Variants in NR3C2 observed in about 807,000 individuals in gnomAD.
The protein encoded by NR3C2 is mineralocorticoid receptor.
Under a neutral mutation model 86.4 loss-of-function variants are expected in NR3C2, and 15 were observed. That is an observed-to-expected ratio of 0.17 (90% CI 0.12 to 0.27). The LOEUF (loss-of-function observed/expected upper bound fraction) is 0.27, where lower values mean the gene tolerates loss of function less well. Ranked by LOEUF, NR3C2 falls within the 10% of genes least tolerant of loss-of-function variation. The probability of loss-of-function intolerance (pLI) is 1.00; values close to 1 mark genes in which losing one functional copy is unlikely to be tolerated. For missense variants in NR3C2, 960 were observed against 1,195.6 expected, an observed-to-expected ratio of 0.80 and a Z score of 2.91; for synonymous variants, 458 against 450.5, an observed-to-expected ratio of 1.02 and a Z score of -0.21.
chr4:148,194,907 G>A, intron 3 of NR3C2, 45 bp from the exon 4 acceptor site: 1 of 1,299,546 alleles, frequency 7.7e-7, no homozygotes, highest in Non-Finnish European at 1.1e-6. Context: ...GAGTACACTA[G>A]TACAAAACAT....
In NR3C2 at chr4:148,081,010, G is replaced by C. The variant is rs1305624098; in HGVS notation, c.*334C>G. 5.3e-6 allele frequency: 2 copies of C among 374,054 alleles called. No homozygotes were observed. Among genetic ancestry groups the C allele is most frequent in the Admixed American group, 7.5e-5 (2 of 26,606 alleles). 23.2% of individuals were successfully genotyped at this position (374,054 alleles called of 1,614,324 possible). On this transcript the variant is annotated 3_prime_UTR_variant, in exon 9 of 9. Coordinates refer to ENST00000358102, the MANE Select transcript of NR3C2 (RefSeq NM_000901.5). The stretch of plus-strand genomic sequence containing the variant: ...CTTTTAAAACAAGCGAACGATACCA[G>C]AAACTACACGGCATAGTTAAAACTT...
intron 4 of NR3C2, among the ~76,000 whole-genome samples, chr4:148,161,752 C>T (rs943783351): frequency 2.0e-5 from 3 of 151,992 alleles, no homozygotes; most frequent in African/African-American, 7.3e-5. Context: ...ATAAGAAGTA[C>T]CCAGTTTGTG....
intron 4 of NR3C2, among the ~76,000 whole-genome samples, chr4:148,192,511 G>A (rs990547904): frequency 6.6e-6 from 1 of 152,184 alleles, no homozygotes; most frequent in East Asian, 1.9e-4. Flanking sequence ...AGTGTGCTGA[G>A]GGAACTGTGA....
intron 3 of NR3C2, among the ~76,000 whole-genome samples, chr4:148,252,393 T>C (rs1360726250): frequency 6.6e-6 from 1 of 152,146 alleles, no homozygotes; most frequent in Non-Finnish European, 1.5e-5. Context: ...AGATAAAATA[T>C]GAAGTACTTG....
chr4:148,369,871 C>A (rs2126374484), intron 2 of NR3C2, among the ~76,000 whole-genome samples: 1 of 152,304 alleles, frequency 6.6e-6, no homozygotes, highest in Middle Eastern at 3.4e-3. Flanking sequence ...TCAAGGGGAG[C>A]CATGCTGGCT....
intron 2 of NR3C2, among the ~76,000 whole-genome samples, chr4:148,315,054 G>A (rs1185937031): frequency 6.6e-6 from 1 of 152,142 alleles, no homozygotes; most frequent in Admixed American, 6.5e-5. Flanking sequence ...CAGTATCAAA[G>A]ATGTTATAAT....
intron 2 of NR3C2, among the ~76,000 whole-genome samples, chr4:148,297,217 A>G (rs907477691): frequency 2.6e-5 from 4 of 152,240 alleles, no homozygotes; most frequent in Admixed American, 2.6e-4. Flanking sequence ...ACTAATCAAC[A>G]CATCTATTAA....
At chr4:148,165,728 CCAAA>C (rs1218291466) in intron 4 of NR3C2, among the ~76,000 whole-genome samples, 2 of 152,012 alleles carry the variant, frequency 1.3e-5, no homozygotes, top group Non-Finnish European at 2.9e-5. Flanking sequence ...AGCCAGATAA[CCAAA>C]CAAAATAATA....
chr4:148,323,833 C>T (rs977364206), intron 2 of NR3C2, among the ~76,000 whole-genome samples: 2 of 151,570 alleles, frequency 1.3e-5, no homozygotes, highest in African/African-American at 2.4e-5. Context: ...CAGAAATCAC[C>T]GTCTTCTGCG....
chr4:148,407,304 TG>T (rs1469495754), intron 2 of NR3C2, among the ~76,000 whole-genome samples: 6 of 152,266 alleles, frequency 3.9e-5, no homozygotes, highest in Non-Finnish European at 2.9e-5. Context: ...CAGAAACCCC[TG>T]TTACATGTAG....
chr4:148,419,648 T>A (rs1268235886), intron 2 of NR3C2, among the ~76,000 whole-genome samples: 2 of 152,218 alleles, frequency 1.3e-5, no homozygotes, highest in Non-Finnish European at 1.5e-5. Context: ...TATCAGTGAC[T>A]GATGATCAAT....
chr4:148,331,917 G>C (rs1365216010), intron 2 of NR3C2, among the ~76,000 whole-genome samples: 1 of 152,126 alleles, frequency 6.6e-6, no homozygotes, highest in African/African-American at 2.4e-5. Context: ...GGTGCAGTAA[G>C]AGTATCTGCT....
Position 148,167,150 on chromosome 4 carries a change from A to C in NR3C2, c.2015-12249T>G, listed in dbSNP as rs1180732029. ...TCCAAACAATGATGGATCTTCAACA[A>C]ATGATTTCACTGATGGCTTTGTTAG... On this transcript the variant is annotated intron_variant, in intron 4 of 8. Coordinates refer to ENST00000358102, the MANE Select transcript of NR3C2 (RefSeq NM_000901.5). Among the ~76,000 whole-genome samples the C allele has an allele frequency of 3.3e-5, 5 of 152,144 alleles. No homozygotes were observed. In the South Asian group the frequency reaches 1.0e-3, roughly 32 times the overall value.
At chr4:148,097,697 C>G (rs1472926015) in intron 8 of NR3C2, among the ~76,000 whole-genome samples, 1 of 149,156 alleles carries the variant, frequency 6.7e-6, no homozygotes, top group Non-Finnish European at 1.5e-5. Flanking sequence ...TGCGGCCCAA[C>G]ACAAATTCAT....
At chr4:148,083,608 C>A (rs893089917) in intron 8 of NR3C2, among the ~76,000 whole-genome samples, 14 of 152,124 alleles carry the variant, frequency 9.2e-5, no homozygotes, top group Admixed American at 9.2e-4. Flanking sequence ...CCTGAAAATT[C>A]GAAAAACCAG....
intron 2 of NR3C2, among the ~76,000 whole-genome samples, chr4:148,408,871 G>T (rs910641995): frequency 7.9e-5 from 12 of 151,972 alleles, no homozygotes; most frequent in East Asian, 1.9e-4. Context: ...CTATATCCTG[G>T]TTTTTTTCAC....
intron 4 of NR3C2, among the ~76,000 whole-genome samples, chr4:148,163,979 G>A (rs1447683915): frequency 3.3e-5 from 5 of 152,112 alleles, no homozygotes; most frequent in Admixed American, 2.0e-4. Flanking sequence ...CTAATCAGAA[G>A]GTCAAAGGGG....
At chr4:148,309,967 G>A (rs968036855) in intron 2 of NR3C2, among the ~76,000 whole-genome samples, 89 of 151,624 alleles carry the variant, frequency 5.9e-4, no homozygotes, top group Non-Finnish European at 8.8e-5. Context: ...AAAAATGAAG[G>A]CTCTCCAAGG....
intron 2 of NR3C2, among the ~76,000 whole-genome samples, chr4:148,413,850 G>A (rs185051624): frequency 3.3e-5 from 5 of 152,218 alleles, no homozygotes; most frequent in Admixed American, 2.6e-4. Context: ...TGATGAGAAC[G>A]TAAACTAGTA....
Sources: allele counts gnomAD v4.1 joint callset (sites outside exome capture counted in the v4.1 genomes callset), GRCh38; gene constraint gnomAD v4.1.1; transcripts MANE v1.5; gene names NCBI Gene and HGNC (gene_info 2026-07-23, HGNC 2026-07-21).